The following KMT2C variants were observed in gnomAD, a reference collection of about 807,000 sequenced individuals.
KMT2C encodes the protein lysine methyltransferase 2C.
A neutral mutation model predicts 507.9 loss-of-function variants in KMT2C; 88 were observed. The ratio of observed to expected loss-of-function variants is 0.17; its 90% CI spans 0.15 to 0.21. The LOEUF (loss-of-function observed/expected upper bound fraction) is 0.21. Ranked by LOEUF, KMT2C falls within the 10% of genes least tolerant of loss-of-function variation. KMT2C has a pLI of 1.00. For synonymous variants in KMT2C, 2,049 were observed against 2,080.8 expected, an observed-to-expected ratio of 0.98 and a Z score of 0.42; for missense variants, 4,954 against 5,957.8, an observed-to-expected ratio of 0.83 and a Z score of 5.55.
chr7:152,158,606 T>C (rs922375044), intron 44 of KMT2C, among the ~76,000 whole-genome samples: 4 of 151,432 alleles, frequency 2.6e-5, no homozygotes, highest in African/African-American at 9.7e-5. Context: ...ACCTCTGCCA[T>C]CCAGGCTCAA....
chr7:152,363,899 A>G (rs1263199049), intron 1 of KMT2C, among the ~76,000 whole-genome samples: 1 of 152,228 alleles, frequency 6.6e-6, no homozygotes, highest in Non-Finnish European at 1.5e-5. Context: ...AACAATTCCC[A>G]GAGCTCACAG....
chr7:152,222,589 A>G lies in KMT2C; in HGVS notation c.3417T>C (p.Tyr1139=), dbSNP rs1488227766. The G allele has an allele frequency of 1.3e-6, 2 of 1,589,164 alleles. No homozygotes were observed. Among genetic ancestry groups the G allele is most frequent in the East Asian group, 2.2e-5 (1 of 44,732 alleles). ...IGFDCSMCRP[Y]MPASNVPSSD... ...TTCTCTTACCATTAGACGCAGGCAT[A>G]TAGGGTCTGCACATGCTACAATCAA... The change falls in exon 21 of 59, where the codon TAT becomes TAC. Residue 1139 remains tyrosine (Y), a synonymous_variant. Coordinates refer to ENST00000262189, the MANE Select transcript of KMT2C (RefSeq NM_170606.3).
chr7:152,172,316 C>A (rs2092998621), intron 39 of KMT2C, among the ~76,000 whole-genome samples: 1 of 152,190 alleles, frequency 6.6e-6, no homozygotes, highest in Non-Finnish European at 1.5e-5. Flanking sequence ...ATACCTGATA[C>A]ATGACTAATG....
intron 3 of KMT2C, among the ~76,000 whole-genome samples, chr7:152,323,385 C>A (rs1487510655): frequency 1.3e-5 from 2 of 151,894 alleles, no homozygotes; most frequent in Non-Finnish European, 2.9e-5. Context: ...TGCCTATAAT[C>A]CCAGCACTTC....
chr7:152,166,310 C>T (rs1451313591), intron 42 of KMT2C, among the ~76,000 whole-genome samples: 5 of 151,720 alleles, frequency 3.3e-5, no homozygotes, highest in Non-Finnish European at 7.4e-5. Flanking sequence ...TTAGTAGAGA[C>T]GGGGTTTCAC....
intron 42 of KMT2C, 123 bp from the exon 43 acceptor site, chr7:152,163,949 T>G (rs1480272303): frequency 2.3e-6 from 2 of 865,434 alleles, no homozygotes; most frequent in Non-Finnish European, 3.6e-6. Context: ...AGCAAACATA[T>G]TTTGCTTGGG....
chr7:152,328,745 T>C (rs1374631839), intron 3 of KMT2C, among the ~76,000 whole-genome samples: 1 of 152,114 alleles, frequency 6.6e-6, no homozygotes, highest in Non-Finnish European at 1.5e-5. Context: ...ACTAAAATGT[T>C]AGGCAAGTTA....
rs373892555 is a variant in KMT2C, at chr7:152,363,932, G to C, written c.162-5257C>G. 1.7e-4 allele frequency among the ~76,000 whole-genome samples: 26 copies of C among 152,316 alleles called. No homozygotes were observed. The East Asian group carries it at 2.1e-3, about 12-fold the overall frequency. On this transcript the variant is annotated intron_variant, in intron 1 of 58. Coordinates refer to ENST00000262189, the MANE Select transcript of KMT2C (RefSeq NM_170606.3). ...CAGAAAGCTGCGAATCAACTGTATT[G>C]TCTCTAGCCAACTGTATTGTCTTTA... is the stretch of plus-strand genomic sequence containing the variant.
At chr7:152,161,279 A>G (rs1318755956) in intron 43 of KMT2C, among the ~76,000 whole-genome samples, 2 of 152,254 alleles carry the variant, frequency 1.3e-5, no homozygotes, top group Admixed American at 6.5e-5. Flanking sequence ...GATGAGCTTC[A>G]TTAACAATCT....
intron 12 of KMT2C, 139 bp downstream of exon 12, chr7:152,250,714 T>G: frequency 1.8e-6 from 1 of 550,990 alleles, no homozygotes; most frequent in East Asian, 3.0e-5. Context: ...CCTATTAATT[T>G]GTCTAAGATT....
chr7:152,205,071 TAAA>T, intron 25 of KMT2C, 32 bp downstream of exon 25: 1 of 1,389,718 alleles, frequency 7.2e-7, no homozygotes, highest in Non-Finnish European at 9.8e-7. Flanking sequence ...AGGGTTACAT[TAAA>T]AAAAAAATTT....
chr7:152,201,419 T>C (rs1446582039), intron 26 of KMT2C, among the ~76,000 whole-genome samples: 2 of 151,674 alleles, frequency 1.3e-5, no homozygotes. Context: ...ACCTAATAAT[T>C]TTAAAGACTC....
chr7:152,182,236 T>C lies in KMT2C; in HGVS notation c.5624A>G (p.Gln1875Arg). ...QDSLSQAQTS[Q>R]PPSPQVFSPG... ...TGAAAACACTTGCGGTGAGGGTGGC[T>C]GAGAAGTCTGAGCCTGAGAAAGACT... is the stretch of plus-strand genomic sequence containing the variant. The change falls in exon 36 of 59, where the codon CAG (glutamine) becomes CGG (arginine). Residue 1875 changes from glutamine (Q) to arginine (R), a missense_variant. Coordinates refer to ENST00000262189, the MANE Select transcript of KMT2C (RefSeq NM_170606.3). 1 of 1,613,992 alleles carries C rather than the reference T, an allele frequency of 6.2e-7. No individual in the cohort carries two copies. The highest frequency in any genetic ancestry group is 8.5e-7 in the Non-Finnish European group (1 of 1,179,956).
chr7:152,255,128 T>TAC (rs1274992708), intron 9 of KMT2C, among the ~76,000 whole-genome samples: 8 of 127,374 alleles, frequency 6.3e-5, no homozygotes, highest in African/African-American at 1.2e-4. Flanking sequence ...TATATATATA[T>TAC]ATATATATAT....
At position 152,147,719 on chromosome 7, in the gene KMT2C, A is replaced by AAAAG. The variant is rs1328286779; in HGVS notation, c.13894+313_13894+314insCTTT. Among the ~76,000 whole-genome samples the AAAAG allele has an allele frequency of 1.6e-4, 23 of 147,060 alleles. 1 individual carries two copies. The highest frequency in any genetic ancestry group is 5.8e-4 in the African/African-American group (22 of 37,848). ...AGAAACTCCGTCTCAAAAAAAAAAA[A>AAAAG]AAAAAAAAAGAAAAAGAAAAAGAAA... is the stretch of plus-strand genomic sequence containing the variant. On this transcript the variant is annotated intron_variant, in intron 52 of 58. Coordinates refer to ENST00000262189, the MANE Select transcript of KMT2C (RefSeq NM_170606.3).
At chr7:152,423,562 A>G (rs2097791776) in intron 1 of KMT2C, among the ~76,000 whole-genome samples, 1 of 152,254 alleles carries the variant, frequency 6.6e-6, no homozygotes, top group African/African-American at 2.4e-5. Context: ...GGCAAAGGCC[A>G]CAACCTAGAA....
chr7:152,150,786 T>TC (rs1190647259), intron 51 of KMT2C, 114 bp downstream of exon 51: 10 of 724,996 alleles, frequency 1.4e-5, no homozygotes, highest in Non-Finnish European at 1.9e-5. Flanking sequence ...TGCTTTGGAT[T>TC]CCCCACACAG....
intron 6 of KMT2C, among the ~76,000 whole-genome samples, chr7:152,293,053 T>A (rs562552223): frequency 5.3e-5 from 8 of 152,296 alleles, no homozygotes; most frequent in Non-Finnish European, 8.8e-5. Flanking sequence ...ATAACACTTA[T>A]ACTACCGAAT....
rs6951818 is a variant in KMT2C, at chr7:152,398,241, G to C, written c.161+37385C>G. Among the ~76,000 whole-genome samples the C allele has an allele frequency of 1.7e-3, 255 of 152,226 alleles. 1 individual carries two copies. Among genetic ancestry groups the C allele is most frequent in the African/African-American group, 5.6e-3 (233 of 41,516 alleles). On this transcript the variant is annotated intron_variant, in intron 1 of 58. Transcript: ENST00000262189. ...TAAGGGCAGGAGCTTGGTCTCTCTG[G>C]TTCACCACTGAATCCTTACACCTAA...
Sources: gnomAD v4.1 joint callset for allele counts (sites outside exome capture counted in the v4.1 genomes callset) on GRCh38, gnomAD v4.1.1 for gene constraint, MANE v1.5 for transcripts, NCBI Gene and HGNC (gene_info 2026-07-23, HGNC 2026-07-21) for gene names.